Variants in NEK1 observed in about 807,000 individuals in gnomAD.
The protein encoded by NEK1 is NIMA related kinase 1.
A neutral mutation model predicts 182.1 loss-of-function variants in NEK1; 137 were observed. That is an observed-to-expected ratio of 0.75 (90% CI 0.65 to 0.87). The LOEUF is 0.87. Ranked by LOEUF, NEK1 falls within the 40% of genes least tolerant of loss-of-function variation. The pLI is 0.00. For missense variants in NEK1, 1,391 were observed against 1,494.4 expected (o/e 0.93, Z 1.14); for synonymous variants, 513 against 492.2 (o/e 1.04, Z -0.56).
intron 10 of NEK1, among the ~76,000 whole-genome samples, chr4:169,581,991 G>A (rs1478022107): frequency 6.6e-6 from 1 of 151,932 alleles, no homozygotes; most frequent in Non-Finnish European, 1.5e-5. Context: ...TATAAACATA[G>A]ATGTTTATAA....
At chr4:169,492,892 C>A (rs75360663) in intron 23 of NEK1, among the ~76,000 whole-genome samples, 1,789 of 152,294 alleles carry the variant, frequency 0.012, 35 homozygotes, top group African/African-American at 0.04. Flanking sequence ...GCACTAACCA[C>A]TGAAGGGGGC....
intron 12 of NEK1, among the ~76,000 whole-genome samples, chr4:169,571,853 T>C (rs1388348286): frequency 1.3e-5 from 2 of 151,508 alleles, no homozygotes; most frequent in African/African-American, 2.4e-5. Context: ...CTCAGCCTCC[T>C]GAGTAGCTGG....
chr4:169,432,567 A>T (rs1445794541), intron 29 of NEK1, among the ~76,000 whole-genome samples: 2 of 152,180 alleles, frequency 1.3e-5, no homozygotes, highest in East Asian at 1.9e-4. Flanking sequence ...ATTATTATTT[A>T]AAAAATTTCC....
At chr4:169,417,280 CAG>C (rs1215569580) in intron 31 of NEK1, among the ~76,000 whole-genome samples, 1 of 152,186 alleles carries the variant, frequency 6.6e-6, no homozygotes, top group Non-Finnish European at 1.5e-5. Context: ...TGAGGTCAGA[CAG>C]AGAGGCAGTC....
At chr4:169,453,199 G>A (rs1234001688) in intron 27 of NEK1, among the ~76,000 whole-genome samples, 1 of 152,150 alleles carries the variant, frequency 6.6e-6, no homozygotes, top group African/African-American at 2.4e-5. Flanking sequence ...CATGCTCATG[G>A]ATAGGAAGAA....
chr4:169,551,773 A>G (rs935055031), intron 18 of NEK1, among the ~76,000 whole-genome samples: 1 of 151,936 alleles, frequency 6.6e-6, no homozygotes, highest in Non-Finnish European at 1.5e-5. Flanking sequence ...ACTAACCTAC[A>G]TCACTTAGCA....
intron 12 of NEK1, among the ~76,000 whole-genome samples, chr4:169,566,876 G>T (rs1395601133): frequency 6.6e-6 from 1 of 152,134 alleles, no homozygotes; most frequent in East Asian, 1.9e-4. Flanking sequence ...GGCCGAGGTG[G>T]GTGGATCACT....
chr4:169,401,718 T>C lies in NEK1; in HGVS notation c.3517A>G (p.Thr1173Ala), dbSNP rs1219596472. ...TTGTCATCTTCATCTGCCACATCTG[T>C]CCCATTTGCAGTTGGCTCCACATCA... ...NSDVEPTANG[T>A]DVADEDDNPS... Residue 1173 changes from threonine (T) to alanine (A), a missense_variant, in exon 33 of 36, where the codon ACA becomes GCA. By Grantham distance (58) the Thr-to-Ala change is moderately conservative (BLOSUM62 0). This residue lies in a region of NEK1 where 1,216 missense variants were observed against 1,277.6 expected (regional missense o/e 0.95). Coordinates refer to ENST00000507142, the MANE Select transcript of NEK1 (RefSeq NM_001199397.3). 1 of 1,613,952 alleles carries C rather than the reference T, an allele frequency of 6.2e-7. No homozygotes were observed. The highest frequency in any genetic ancestry group is 8.5e-7 in the Non-Finnish European group (1 of 1,179,828).
chr4:169,440,793 C>T (rs1030438438), intron 27 of NEK1, among the ~76,000 whole-genome samples: 3 of 152,170 alleles, frequency 2.0e-5, no homozygotes, highest in Admixed American at 6.5e-5. Context: ...AGCCCTCAAG[C>T]GCCCTGAGAC....
rs553169024 is a variant in NEK1 at position 169,474,660 on chromosome 4, T to C, written c.2434+2464A>G. ...CTTCCTGAAGTGCTTTCTTCTTTCT[T>C]TGGAACCCATACTACAGTCTCCTAA... On this transcript the variant is annotated intron_variant, in intron 26 of 35. Coordinates refer to ENST00000507142, the MANE Select transcript of NEK1 (RefSeq NM_001199397.3). Among the ~76,000 whole-genome samples the C allele has an allele frequency of 2.1e-4, 32 of 152,324 alleles. No individual in the cohort carries two copies. The South Asian group carries it at 6.6e-3, about 32-fold the overall frequency.
intron 5 of NEK1, among the ~76,000 whole-genome samples, chr4:169,595,594 T>G (rs1340178105): frequency 2.0e-5 from 3 of 152,182 alleles, no homozygotes; most frequent in Non-Finnish European, 4.4e-5. Flanking sequence ...ATGATTTTCA[T>G]GTAATCAGTT....
intron 23 of NEK1, among the ~76,000 whole-genome samples, chr4:169,491,610 T>TAAGA (rs35483968): frequency 0.47 from 70,999 of 151,632 alleles, 19,129 homozygotes; most frequent in East Asian, 0.76. Flanking sequence ...AAGAAATGCT[T>TAAGA]AAGAGTTCTT....
At chr4:169,416,005 T>A (rs530446377) in intron 31 of NEK1, among the ~76,000 whole-genome samples, 1 of 152,290 alleles carries the variant, frequency 6.6e-6, no homozygotes, top group East Asian at 1.9e-4. Context: ...CACTTTTATC[T>A]CTTTAAGACA....
chr4:169,606,549 G>A (rs1038568479), intron 2 of NEK1, among the ~76,000 whole-genome samples: 38 of 152,132 alleles, frequency 2.5e-4, no homozygotes, highest in African/African-American at 8.2e-4. Context: ...GACTCAAACA[G>A]GATTGGTGAA....
chr4:169,599,709 C>T (rs544502466), intron 4 of NEK1, among the ~76,000 whole-genome samples: 1 of 152,074 alleles, frequency 6.6e-6, no homozygotes, highest in South Asian at 2.1e-4. Flanking sequence ...ACACTGTTTC[C>T]ACCCTCTTTG....
At chr4:169,546,177 C>T (rs1024418953) in intron 18 of NEK1, among the ~76,000 whole-genome samples, 38 of 152,190 alleles carry the variant, frequency 2.5e-4, no homozygotes, top group African/African-American at 7.2e-4. Flanking sequence ...GATTCTGGTA[C>T]GTTGTGTCTT....
intron 35 of NEK1, among the ~76,000 whole-genome samples, chr4:169,396,588 G>GA (rs926309261): frequency 2.0e-5 from 3 of 151,334 alleles, no homozygotes; most frequent in Admixed American, 6.6e-5. Flanking sequence ...TCTAGCTATG[G>GA]AAAAAAAAGC....
At chr4:169,412,443 T>C (rs1162019384) in intron 31 of NEK1, among the ~76,000 whole-genome samples, 1 of 152,198 alleles carries the variant, frequency 6.6e-6, no homozygotes, top group Non-Finnish European at 1.5e-5. Context: ...AACCCATCAC[T>C]GATGAATTCT....
intron 23 of NEK1, among the ~76,000 whole-genome samples, chr4:169,490,247 A>G (rs1197611329): frequency 6.6e-6 from 1 of 152,076 alleles, no homozygotes; most frequent in East Asian, 1.9e-4. Flanking sequence ...CAGAGGCAGA[A>G]CCTCTGCCCT....
Sources: allele counts gnomAD v4.1 joint callset (sites outside exome capture counted in the v4.1 genomes callset), GRCh38; gene constraint gnomAD v4.1.1; regional missense constraint gnomAD v4.1.1; transcripts MANE v1.5; gene names NCBI Gene and HGNC (gene_info 2026-07-23, HGNC 2026-07-21).